HDGFL2: variants seen among roughly 807,000 people sequenced by gnomAD.
HDGFL2 encodes the protein hepatoma-derived growth factor-related protein 2.
In HDGFL2, 36 loss-of-function variants were observed where a neutral mutation model predicts 77.1. The ratio of observed to expected loss-of-function variants is 0.47; its 90% CI spans 0.36 to 0.62. HDGFL2 has a LOEUF of 0.62. Among genes scored for constraint, HDGFL2 ranks in the 20% least tolerant of loss-of-function variants. The pLI is 0.00. For synonymous variants in HDGFL2, 463 were observed against 413.1 expected, an observed-to-expected ratio of 1.12 and a Z score of -1.46; for missense variants, 976 against 973.4, an observed-to-expected ratio of 1.00 and a Z score of -0.04.
rs1252786617 is a variant in HDGFL2 at position 4,486,069 on chromosome 19, A to AC, written c.289-2607_289-2606insC. 7.3e-3 allele frequency among the ~76,000 whole-genome samples: 1,060 copies of AC among 145,398 alleles called. 19 individuals carry two copies. Among genetic ancestry groups the AC allele is most frequent in the Middle Eastern group, 0.022 (6 of 278 alleles). On this transcript the variant is annotated intron_variant, in intron 3 of 15. Coordinates refer to ENST00000616600, the MANE Select transcript of HDGFL2 (RefSeq NM_001001520.3). ...CCCCGTCTCAAAAAAAAAAAAAAAA[A>AC]AACAACAACCACGAAAACTCAATCT...
At chr19:4,496,245 G>A in intron 9 of HDGFL2, 57 bp from the exon 10 acceptor site, 2 of 1,402,828 alleles carry the variant, frequency 1.4e-6, no homozygotes, top group Non-Finnish European at 2.0e-6. Flanking sequence ...GATGGGCTAG[G>A]GGTCTGGGTA....
rs199791982 is a variant in HDGFL2 at position 4,496,281 on chromosome 19, C to T, written c.1225-21C>T. 137 of 1,603,240 alleles carry T rather than the reference C, an allele frequency of 8.5e-5. No homozygotes were observed. The Middle Eastern group carries it at 1.3e-3, about 15-fold the overall frequency. On this transcript the variant is annotated intron_variant, in intron 9 of 15. Coordinates refer to ENST00000616600, the MANE Select transcript of HDGFL2 (RefSeq NM_001001520.3). Reference sequence around the variant, plus strand: ...ATCCCCTCTTCCCACTGCTCCAGCGCGCCCTTCCTGACTGCTATAGGCCAA... The same window carrying T: ...ATCCCCTCTTCCCACTGCTCCAGCGTGCCCTTCCTGACTGCTATAGGCCAA...
intron 9 of HDGFL2, among the ~76,000 whole-genome samples, chr19:4,495,911 G>C (rs1212409452): frequency 6.6e-6 from 1 of 152,126 alleles, no homozygotes; most frequent in Non-Finnish European, 1.5e-5. Flanking sequence ...TGAGTGCCTG[G>C]GGCCCACGTG....
intron 3 of HDGFL2, among the ~76,000 whole-genome samples, chr19:4,481,167 GTCC>G (rs1975205489): frequency 6.9e-6 from 1 of 144,810 alleles, no homozygotes. Flanking sequence ...GACTACAGGC[GTCC>G]CCCACCACGC....
At chr19:4,493,396 A>C (rs1192460024) in intron 6 of HDGFL2, among the ~76,000 whole-genome samples, 3 of 151,862 alleles carry the variant, frequency 2.0e-5, no homozygotes, top group East Asian at 1.9e-4. Context: ...TGGCCTCCGC[A>C]CAAGATTTTG....
At chr19:4,488,999 G>A in intron 4 of HDGFL2, 123 bp downstream of exon 4, 1 of 747,608 alleles carries the variant, frequency 1.3e-6, no homozygotes, top group Non-Finnish European at 2.1e-6. Context: ...TGTCGCCCAG[G>A]CTGGAGTGCA....
intron 3 of HDGFL2, among the ~76,000 whole-genome samples, chr19:4,480,259 A>C (rs1640667089): frequency 6.6e-6 from 1 of 152,162 alleles, no homozygotes; most frequent in South Asian, 2.1e-4. Flanking sequence ...TGAGCAACAG[A>C]GCTGAGCTGG....
chr19:4,502,095 T>G lies in HDGFL2; in HGVS notation c.*85T>G, dbSNP rs192180444. On this transcript the variant is annotated 3_prime_UTR_variant, in exon 16 of 16. Transcript: ENST00000616600. ...CTCGCAGGAGAGCAGAGCAGAGAAC[T>G]GTGGGGAACGCTGTGCTGTTTGTAT... The G allele has an allele frequency of 1.1e-6, 1 of 948,478 alleles. No individual in the cohort carries two copies. Among genetic ancestry groups the G allele is most frequent in the Non-Finnish European group, 1.6e-6 (1 of 611,098 alleles). 58.8% of individuals were successfully genotyped at this position (948,478 alleles called of 1,614,324 possible).
At chr19:4,500,039 C>A (rs1975817111) in intron 14 of HDGFL2, among the ~76,000 whole-genome samples, 1 of 5,700 alleles carries the variant, frequency 1.8e-4, no homozygotes, top group South Asian at 1.4e-3. Flanking sequence ...GCAGCGGGGG[C>A]AAAGAGTGGG....
intron 3 of HDGFL2, among the ~76,000 whole-genome samples, chr19:4,484,569 G>T (rs954669569): frequency 1.3e-5 from 2 of 150,552 alleles, no homozygotes; most frequent in African/African-American, 4.9e-5. Context: ...GTGCGATCTC[G>T]GCTCACTGCA....
At chr19:4,475,171 C>G (rs1293925180) in intron 1 of HDGFL2, 104 bp from the exon 2 acceptor site, 1 of 909,958 alleles carries the variant, frequency 1.1e-6, no homozygotes, top group African/African-American at 1.7e-5. Context: ...GGGTTGAAGG[C>G]TCCCCTCCTC....
At chr19:4,492,866 G>GTC (rs1491357656) in intron 6 of HDGFL2, among the ~76,000 whole-genome samples, 18 of 127,294 alleles carry the variant, frequency 1.4e-4, no homozygotes, top group African/African-American at 2.9e-4. Flanking sequence ...TGTGTGTGTG[G>GTC]TGTGTGTGGT....
intron 3 of HDGFL2, among the ~76,000 whole-genome samples, chr19:4,483,933 G>A (rs1379667451): frequency 6.6e-6 from 1 of 151,752 alleles, no homozygotes; most frequent in Non-Finnish European, 1.5e-5. Context: ...GGGACTACAG[G>A]CACCTGCCAC....
chr19:4,480,538 G>T (rs1317654173), intron 3 of HDGFL2, among the ~76,000 whole-genome samples: 1 of 152,222 alleles, frequency 6.6e-6, no homozygotes, highest in African/African-American at 2.4e-5. Flanking sequence ...GGCCAATGGG[G>T]TGAAACCCCA....
At chr19:4,484,960 C>T (rs951012801) in intron 3 of HDGFL2, among the ~76,000 whole-genome samples, 1 of 151,186 alleles carries the variant, frequency 6.6e-6, no homozygotes, top group African/African-American at 2.4e-5. Context: ...CATGAGCCAC[C>T]GTGCCCGGCC....
intron 13 of HDGFL2, 133 bp downstream of exon 13, chr19:4,499,048 G>A (rs1371987131): frequency 4.7e-6 from 3 of 638,326 alleles, no homozygotes; most frequent in Non-Finnish European, 8.4e-6. Context: ...GGGCTGCTGG[G>A]TAGAAATGCC....
chr19:4,494,480 G>T lies in HDGFL2; in HGVS notation c.1224+5G>T. 2 of 1,377,594 alleles carry T rather than the reference G, an allele frequency of 1.5e-6. No individual in the cohort carries two copies. Among genetic ancestry groups the T allele is most frequent in the Non-Finnish European group, 9.3e-7 (1 of 1,069,574 alleles). The allele number at this position is 1,377,594 out of a possible 1,614,324, so 85.3% of individuals were successfully genotyped here. On this transcript the variant is annotated splice_donor_5th_base_variant and intron_variant, in intron 9 of 15. Coordinates refer to ENST00000616600, the MANE Select transcript of HDGFL2 (RefSeq NM_001001520.3). ...GAGGCCGAGCTGGAGAGAGAGGTGAGCCGGGAGGGCGCCGGGAGTCCCTGC... is the reference window on the plus strand; with the variant it reads ...GAGGCCGAGCTGGAGAGAGAGGTGATCCGGGAGGGCGCCGGGAGTCCCTGC...
At chr19:4,499,003 C>T (rs1004324060) in intron 13 of HDGFL2, 88 bp downstream of exon 13, 2 of 900,306 alleles carry the variant, frequency 2.2e-6, no homozygotes, top group African/African-American at 3.3e-5. Context: ...CAGCAGGTTC[C>T]TGTCGGGACA....
intron 3 of HDGFL2, among the ~76,000 whole-genome samples, chr19:4,483,559 C>G (rs1278950919): frequency 2.6e-5 from 4 of 152,156 alleles, no homozygotes; most frequent in East Asian, 1.9e-4. Flanking sequence ...ACCGTGTACT[C>G]CCTGCTCCCT....
Sources: allele counts gnomAD v4.1 joint callset (sites outside exome capture counted in the v4.1 genomes callset), GRCh38; gene constraint gnomAD v4.1.1; transcripts MANE v1.5; gene names NCBI Gene and HGNC (gene_info 2026-07-23, HGNC 2026-07-21).